TRPC5: variants seen among roughly 807,000 people sequenced by gnomAD.
TRPC5 encodes the protein short transient receptor potential channel 5.
In TRPC5, 9 loss-of-function variants were observed where a neutral mutation model predicts 56.5. The observed-to-expected ratio is 0.16, with a 90% CI of 0.10 to 0.28. The LOEUF is 0.28. TRPC5 is among the 10% of genes least tolerant of loss of function. The probability of loss-of-function intolerance (pLI) is 1.00; values close to 1 mark genes in which losing one functional copy is unlikely to be tolerated. For missense variants in TRPC5, 469 were observed against 748.9 expected, an observed-to-expected ratio of 0.63 and a Z score of 4.36; for synonymous variants, 282 against 278.5, an observed-to-expected ratio of 1.01 and a Z score of -0.13.
At chrX:111,881,427 C>T (rs958965067) in intron 3 of TRPC5, among the ~76,000 whole-genome samples, 3 of 111,201 alleles carry the variant, frequency 2.7e-5, no homozygotes, top group Non-Finnish European at 3.8e-5. Flanking sequence ...CCACCTGCCT[C>T]GGCCTCCCAA....
Position 111,769,049 on chromosome X carries a change from A to G in TRPC5, c.*7264T>C, listed in dbSNP as rs1394353349. Reference sequence around the variant, plus strand: ...AATCTGAATATGTGACTTTCAAATGACCTGAACACATTCAGCTAGCTAGCT... The same window carrying G: ...AATCTGAATATGTGACTTTCAAATGGCCTGAACACATTCAGCTAGCTAGCT... On this transcript the variant is annotated 3_prime_UTR_variant, in exon 11 of 11. Transcript: ENST00000262839. Among the ~76,000 whole-genome samples the G allele has an allele frequency of 1.8e-5, 2 of 111,884 alleles. No individual in the cohort carries two copies. The highest frequency in any genetic ancestry group is 3.8e-5 in the Non-Finnish European group (2 of 53,128).
chrX:111,785,991 T>G (rs1039873086), intron 7 of TRPC5, among the ~76,000 whole-genome samples: 1 of 111,875 alleles, frequency 8.9e-6, no homozygotes, highest in Non-Finnish European at 1.9e-5. Flanking sequence ...AAAACACTCT[T>G]CAGGATATTA....
At chrX:111,847,806 G>A (rs751170599) in intron 5 of TRPC5, among the ~76,000 whole-genome samples, 104 of 111,627 alleles carry the variant, frequency 9.3e-4, no homozygotes, top group Middle Eastern at 4.6e-3. Context: ...CAAGATAGTG[G>A]GGAAAAATCA....
At chrX:111,809,134 A>G (rs765254574) in intron 7 of TRPC5, among the ~76,000 whole-genome samples, 42 of 110,727 alleles carry the variant, frequency 3.8e-4, no homozygotes, top group Non-Finnish European at 1.7e-4. Flanking sequence ...GGGTGGTACA[A>G]GCACTCCCTT....
intron 7 of TRPC5, among the ~76,000 whole-genome samples, chrX:111,819,788 C>T (rs888537040): frequency 9.0e-6 from 1 of 111,619 alleles, no homozygotes; most frequent in African/African-American, 3.3e-5. Flanking sequence ...CTAAAAATCA[C>T]CTCAGGGGTC....
chrX:112,054,664 G>A (rs888662386), intron 1 of TRPC5, among the ~76,000 whole-genome samples: 1 of 111,002 alleles, frequency 9.0e-6, no homozygotes, highest in African/African-American at 3.3e-5. Flanking sequence ...GAAGACCACA[G>A]CCAGAACTAG....
chrX:112,039,616 A>G (rs1929843460), intron 1 of TRPC5, among the ~76,000 whole-genome samples: 1 of 111,969 alleles, frequency 8.9e-6, no homozygotes. Flanking sequence ...ATTTTCCCTC[A>G]TGTTTGCAGT....
chrX:111,963,001 A>G (rs1228043179), intron 1 of TRPC5, among the ~76,000 whole-genome samples: 3 of 111,874 alleles, frequency 2.7e-5, no homozygotes, highest in Non-Finnish European at 5.6e-5. Flanking sequence ...GCAGCGTACC[A>G]TGTGCGAGCC....
intron 3 of TRPC5, among the ~76,000 whole-genome samples, chrX:111,892,794 T>C (rs768118222): frequency 1.8e-5 from 2 of 111,923 alleles, no homozygotes; most frequent in East Asian, 5.6e-4. Context: ...ATTTTTGTAA[T>C]GCCTGCAGCC....
intron 1 of TRPC5, among the ~76,000 whole-genome samples, chrX:112,005,017 T>A (rs114399120): frequency 1.7e-3 from 186 of 111,782 alleles, no homozygotes; most frequent in African/African-American, 5.5e-3. Context: ...AGTTTGTCAA[T>A]GTTACCAGCT....
At chrX:111,846,961 C>T (rs904828233) in intron 6 of TRPC5, among the ~76,000 whole-genome samples, 153 bp downstream of exon 6, 21 of 111,443 alleles carry the variant, frequency 1.9e-4, no homozygotes, top group African/African-American at 6.9e-4. Flanking sequence ...CATTCCTCCA[C>T]CTCTGACCCT....
intron 1 of TRPC5, among the ~76,000 whole-genome samples, chrX:112,051,837 G>A (rs770351727): frequency 5.4e-5 from 6 of 111,612 alleles, no homozygotes; most frequent in Non-Finnish European, 9.4e-5. Flanking sequence ...TATGAATTTG[G>A]CAACACTGGG....
intron 3 of TRPC5, among the ~76,000 whole-genome samples, chrX:111,884,908 G>A (rs1423255539): frequency 8.9e-6 from 1 of 112,355 alleles, no homozygotes; most frequent in Non-Finnish European, 1.9e-5. Flanking sequence ...GAAAAGCTGT[G>A]GTCAGACTTT....
chrX:111,973,042 G>C (rs1262756505), intron 1 of TRPC5, among the ~76,000 whole-genome samples: 1 of 112,021 alleles, frequency 8.9e-6, no homozygotes, highest in Non-Finnish European at 1.9e-5. Flanking sequence ...CAGCTCATGT[G>C]ACCTTCACTG....
chrX:111,871,853 CT>C (rs1313655470), intron 3 of TRPC5, among the ~76,000 whole-genome samples: 15 of 111,389 alleles, frequency 1.3e-4, no homozygotes, highest in Non-Finnish European at 2.4e-4. Flanking sequence ...GAGGTAGGGC[CT>C]AGTGAAAGGT....
chrX:111,837,598 G>A (rs962127599), intron 6 of TRPC5, among the ~76,000 whole-genome samples: 2 of 111,638 alleles, frequency 1.8e-5, no homozygotes, highest in African/African-American at 6.5e-5. Flanking sequence ...GGGCAAATAT[G>A]TAATCAATAT....
At chrX:111,861,540 G>A (rs181240569) in intron 3 of TRPC5, among the ~76,000 whole-genome samples, 1 of 111,579 alleles carries the variant, frequency 9.0e-6, no homozygotes, top group East Asian at 2.8e-4. Flanking sequence ...TTCATGTTTA[G>A]CAGTTTTAAT....
At chrX:111,781,374 T>G (rs1374122648) in intron 8 of TRPC5, among the ~76,000 whole-genome samples, 168 bp from the exon 9 acceptor site, 1 of 111,947 alleles carries the variant, frequency 8.9e-6, no homozygotes, top group Non-Finnish European at 1.9e-5. Context: ...TTTATGATGT[T>G]TAAAACAGTG....
chrX:111,825,130 C>CTTT (rs1362071280), intron 7 of TRPC5, among the ~76,000 whole-genome samples: 10 of 73,436 alleles, frequency 1.4e-4, no homozygotes, highest in Non-Finnish European at 2.0e-4. Flanking sequence ...TCTTTCTTTT[C>CTTT]CTTCCTTCCT....
Sources: allele counts gnomAD v4.1 joint callset (sites outside exome capture counted in the v4.1 genomes callset), GRCh38; gene constraint gnomAD v4.1.1; transcripts MANE v1.5; gene names NCBI Gene and HGNC (gene_info 2026-07-23, HGNC 2026-07-21).